The following VWF variants were observed in gnomAD, a reference collection of about 807,000 sequenced individuals.
VWF encodes von Willebrand factor.
Under a neutral mutation model 308.6 loss-of-function variants are expected in VWF, and 176 were observed. That is an observed-to-expected ratio of 0.57 (90% confidence interval 0.50 to 0.65). The LOEUF (loss-of-function observed/expected upper bound fraction) is 0.65, where lower values mean the gene tolerates loss of function less well. Among genes scored for constraint, VWF ranks in the 30% least tolerant of loss-of-function variants. VWF has a pLI of 0.00. For missense variants in VWF, 3,146 were observed against 3,648.2 expected (o/e 0.86, Z 3.55); for synonymous variants, 1,385 against 1,443.4 (o/e 0.96, Z 0.92).
rs527609551 is a variant in VWF, at chr12:6,019,665, C to G, written c.3753G>C (p.Pro1251=). Residue 1251 remains proline (P), a synonymous_variant, in exon 28 of 52, where the codon CCG becomes CCC. Transcript: ENST00000261405. The surrounding 1 kb of genome is among the most constrained non-coding windows in gnomAD (Gnocchi z 5.8). ...CCACATACAGAGTGGTGGGGCTCACCGGGGCATCTGTGGGAGGCACCACCA... is the reference window on the plus strand; with the variant it reads ...CCACATACAGAGTGGTGGGGCTCACGGGGGCATCTGTGGGAGGCACCACCA... ...GGLVVPPTDA[P]VSPTTLYVED... The G allele has an allele frequency of 8.1e-6, 13 of 1,613,700 alleles. No individual in the cohort carries two copies. Among genetic ancestry groups the G allele is most frequent in the Non-Finnish European group, 1.1e-5 (13 of 1,179,842 alleles).
At position 6,062,904 on chromosome 12, in the gene VWF, C is replaced by A. The variant is rs745805951; in HGVS notation, c.1533+50G>T. 7 of 1,503,916 alleles carry A rather than the reference C, an allele frequency of 4.7e-6. No individual in the cohort carries two copies. The South Asian group carries it at 7.0e-5, about 15-fold the overall frequency. 93.2% of individuals were successfully genotyped at this position (1,503,916 alleles called of 1,614,324 possible). ...CATTCTACCCAGAGCACAAGGGGTA[C>A]TTTGTAAGGGTCGGGCCGCAGGGAG... On this transcript the variant is annotated intron_variant, in intron 13 of 51. Transcript: ENST00000261405.
chr12:6,046,681 G>A lies in VWF; in HGVS notation c.2281+42C>T, dbSNP rs1272966899. 7 of 1,575,386 alleles carry A rather than the reference G, an allele frequency of 4.4e-6. No individual in the cohort carries two copies. Among genetic ancestry groups the A allele is most frequent in the Non-Finnish European group, 6.1e-6 (7 of 1,145,064 alleles). On this transcript the variant is annotated intron_variant, in intron 17 of 51. Transcript: ENST00000261405. The surrounding 1 kb of genome is among the most constrained non-coding windows in gnomAD (Gnocchi z 5.0). ...GCCATTCCACACGTGAGGAATCTGG[G>A]CAGGATGGAGTCAATGGGCCTTCCA...
intron 50 of VWF, 133 bp from the exon 51 acceptor site, chr12:5,950,016 G>C: frequency 1.3e-6 from 1 of 765,922 alleles, no homozygotes; most frequent in African/African-American, 1.7e-5. Flanking sequence ...CACAGGGAGG[G>C]AATTCAGTTA....
At position 6,056,940 on chromosome 12, in the gene VWF, C is replaced by G. The variant is rs886049744; in HGVS notation, c.1862G>C (p.Cys621Ser). ...DVCSCSDGRE[C>S]LCGALASYAA... is the part of the protein sequence containing the mutation. ...ATAGCTGGCCAGGGCGCCGCACAGG[C>G]ACTCGCGGCCGTCCGAGCAGGAGCA... The change falls in exon 15 of 52, where the codon TGC (cysteine) becomes TCC (serine). Residue 621 changes from cysteine to serine, a missense_variant. Cys to Ser is a moderately radical substitution (Grantham distance 112, BLOSUM62 -1). Transcript: ENST00000261405. 1.3e-6 allele frequency: 2 copies of G among 1,536,210 alleles called. No individual in the cohort carries two copies. Among genetic ancestry groups the G allele is most frequent in the East Asian group, 4.9e-5 (2 of 40,924 alleles).
chr12:5,968,040 C>T (rs940334961), intron 46 of VWF, 87 bp downstream of exon 46: 2 of 1,582,012 alleles, frequency 1.3e-6, no homozygotes, highest in Non-Finnish European at 8.6e-7. Context: ...TTCATTTCTG[C>T]TTTACAATGA....
At chr12:5,983,001 C>T (rs1233606358) in intron 41 of VWF, 149 bp downstream of exon 41, 1 of 787,726 alleles carries the variant, frequency 1.3e-6, no homozygotes, top group Non-Finnish European at 2.1e-6. Flanking sequence ...GACCCTAACC[C>T]CTCTGTTCCA....
chr12:5,963,358 A>G (rs1366940766), intron 47 of VWF, among the ~76,000 whole-genome samples: 1 of 152,236 alleles, frequency 6.6e-6, no homozygotes, highest in Non-Finnish European at 1.5e-5. Flanking sequence ...TAAGTATGTA[A>G]GATGCTCCAC....
chr12:6,077,854 C>T (rs1350896483), intron 6 of VWF, among the ~76,000 whole-genome samples: 2 of 152,184 alleles, frequency 1.3e-5, no homozygotes, highest in Non-Finnish European at 2.9e-5. Context: ...GCCTTGGCCT[C>T]ATCATGACTT....
intron 34 of VWF, among the ~76,000 whole-genome samples, chr12:6,006,410 A>C (rs1314306612): frequency 1.3e-5 from 2 of 152,202 alleles, no homozygotes; most frequent in African/African-American, 2.4e-5. Context: ...TTCCCTATCC[A>C]TAGTTACTTT....
chr12:5,969,526 G>C lies in VWF; in HGVS notation c.7549-135C>G, dbSNP rs139497250. ...CTTAACATGTAAGTCCCACCACAGG[G>C]TAGGGCCCACGGAGGGGATGAGTGG... On this transcript the variant is annotated intron_variant, in intron 44 of 51. Transcript: ENST00000261405. 1.2e-5 allele frequency: 13 copies of C among 1,053,478 alleles called. No homozygotes were observed. In the Admixed American group the frequency reaches 1.5e-4, roughly 12 times the overall value. 65.3% of individuals were successfully genotyped at this position (1,053,478 alleles called of 1,614,324 possible).
rs1268807871 is a variant in VWF, at chr12:6,103,429, CACGTGTGTATATACAT to C, written c.532+6929_532+6944del. On this transcript the variant is annotated intron_variant, in intron 5 of 51. Transcript: ENST00000261405. ...GTGTATACACACGTGTGTGTATACA[CACGTGTGTATATACAT>C]ACACATATATGTGTATATACACATA... Among the ~76,000 whole-genome samples, 3 of 119,046 alleles carry C rather than the reference CACGTGTGTATATACAT, an allele frequency of 2.5e-5. 1 individual carries two copies. Among genetic ancestry groups the C allele is most frequent in the Non-Finnish European group, 4.8e-5 (3 of 62,358 alleles). 78.1% of individuals were successfully genotyped at this position (119,046 alleles called of 152,430 possible). A position where few individuals can be genotyped will look rare whatever the true frequency, so the allele number is the denominator to read the frequency against.
At chr12:6,118,198 C>A (rs1945390100) in intron 3 of VWF, among the ~76,000 whole-genome samples, 1 of 151,850 alleles carries the variant, frequency 6.6e-6, no homozygotes, top group Admixed American at 6.6e-5. Flanking sequence ...CTCTCTGAGC[C>A]CAGAACATGA....
chr12:6,056,725 C>T (rs1944582743), intron 15 of VWF, 132 bp downstream of exon 15: 1 of 790,886 alleles, frequency 1.3e-6, no homozygotes, highest in South Asian at 3.7e-5. Flanking sequence ...GAACCGTCCT[C>T]CCCACCCGTG....
intron 43 of VWF, among the ~76,000 whole-genome samples, chr12:5,972,361 G>C (rs976747199): frequency 6.6e-6 from 1 of 152,214 alleles, no homozygotes. Flanking sequence ...AAAGCATCAT[G>C]AACATGGACT....
chr12:6,016,691 T>A, intron 29 of VWF, 35 bp from the exon 30 acceptor site: 1 of 1,614,218 alleles, frequency 6.2e-7, no homozygotes, highest in Non-Finnish European at 8.5e-7. Context: ...TTATTTTGAA[T>A]CAAGTAGAGC....
intron 42 of VWF, among the ~76,000 whole-genome samples, chr12:5,979,365 A>C (rs1943567552): frequency 6.6e-6 from 1 of 152,256 alleles, no homozygotes. Context: ...AAACACTTAT[A>C]AATAGTAAAA....
At chr12:5,995,092 G>C (rs547969036) in intron 35 of VWF, among the ~76,000 whole-genome samples, 16 of 152,240 alleles carry the variant, frequency 1.1e-4, no homozygotes, top group Admixed American at 4.6e-4. Context: ...TATCGTTAGT[G>C]TTAATGCATT....
At chr12:6,047,391 C>T (rs140164271) in intron 16 of VWF, among the ~76,000 whole-genome samples, 2,691 of 152,288 alleles carry the variant, frequency 0.018, 39 homozygotes, top group Non-Finnish European at 0.026. Flanking sequence ...CATGATCCCC[C>T]GACCAAAGCC....
At chr12:6,037,906 G>C (rs1361084282) in intron 18 of VWF, among the ~76,000 whole-genome samples, 1 of 152,190 alleles carries the variant, frequency 6.6e-6, no homozygotes, top group Non-Finnish European at 1.5e-5. Context: ...GTGTGTGTTG[G>C]GGCGGTTGGG....
Sources: gnomAD v4.1 joint callset for allele counts (sites outside exome capture counted in the v4.1 genomes callset) on GRCh38, gnomAD v4.1.1 for gene constraint, Gnocchi (gnomAD v3.1) non-coding constraint, MANE v1.5 for transcripts, NCBI Gene and HGNC (gene_info 2026-07-23, HGNC 2026-07-21) for gene names.